Variants in GRIP1 observed in about 807,000 individuals in gnomAD.
The protein encoded by GRIP1 is glutamate receptor-interacting protein 1.
A neutral mutation model predicts 129.9 loss-of-function variants in GRIP1; 45 were observed. That is an observed-to-expected ratio of 0.35 (90% CI 0.27 to 0.44). The LOEUF (loss-of-function observed/expected upper bound fraction) is 0.44, where lower values mean the gene tolerates loss of function less well. Among genes scored for constraint, GRIP1 ranks in the 20% least tolerant of loss-of-function variants. The probability of loss-of-function intolerance (pLI) is 1.00; values close to 1 mark genes in which losing one functional copy is unlikely to be tolerated. For missense variants in GRIP1, 1,196 were observed against 1,396.8 expected, an observed-to-expected ratio of 0.86 and a Z score of 2.29; for synonymous variants, 530 against 520.8, an observed-to-expected ratio of 1.02 and a Z score of -0.24.
intron 1 of GRIP1, among the ~76,000 whole-genome samples, chr12:66,918,407 A>G (rs2041161794): frequency 6.6e-6 from 1 of 152,174 alleles, no homozygotes; most frequent in South Asian, 2.1e-4. Flanking sequence ...AGCCAATTCA[A>G]ATGTTAACTT....
At chr12:66,848,716 T>A (rs964559699) in intron 1 of GRIP1, among the ~76,000 whole-genome samples, 9 of 152,166 alleles carry the variant, frequency 5.9e-5, no homozygotes, top group African/African-American at 1.7e-4. Flanking sequence ...TTAAAATTCA[T>A]TTCAAAGGCA....
chr12:66,479,693 A>G (rs930636021), intron 7 of GRIP1, among the ~76,000 whole-genome samples: 2 of 152,126 alleles, frequency 1.3e-5, no homozygotes, highest in African/African-American at 4.8e-5. Flanking sequence ...CAAACTTAAT[A>G]CAGCAGCACA....
At chr12:66,603,046 G>T (rs1331420662) in intron 1 of GRIP1, among the ~76,000 whole-genome samples, 1 of 150,876 alleles carries the variant, frequency 6.6e-6, no homozygotes, top group Non-Finnish European at 1.5e-5. Context: ...TTTTTATAGA[G>T]GCTAGGTCTC....
At chr12:66,400,615 G>GT (rs1055895694) in intron 16 of GRIP1, among the ~76,000 whole-genome samples, 32 of 151,842 alleles carry the variant, frequency 2.1e-4, no homozygotes, top group Non-Finnish European at 1.9e-4. Flanking sequence ...CCTGAAAATG[G>GT]TTTTTTTTAA....
intron 1 of GRIP1, among the ~76,000 whole-genome samples, chr12:66,971,856 T>C (rs1009831151): frequency 6.6e-6 from 1 of 152,142 alleles, no homozygotes; most frequent in Non-Finnish European, 1.5e-5. Flanking sequence ...GGCAAAGCAA[T>C]AGCAAAGACG....
intron 1 of GRIP1, among the ~76,000 whole-genome samples, chr12:66,940,855 G>A (rs1281094104): frequency 1.3e-5 from 2 of 151,946 alleles, no homozygotes; most frequent in African/African-American, 2.4e-5. Context: ...AACACCACAG[G>A]GTGTGTTTTC....
intron 1 of GRIP1, among the ~76,000 whole-genome samples, chr12:66,788,485 G>A (rs1331912285): frequency 1.3e-5 from 2 of 151,644 alleles, no homozygotes; most frequent in Admixed American, 1.3e-4. Flanking sequence ...AGTATAGACT[G>A]GACCTAATGA....
At chr12:66,533,324 C>T (rs541834543) in intron 4 of GRIP1, among the ~76,000 whole-genome samples, 1 of 152,026 alleles carries the variant, frequency 6.6e-6, no homozygotes, top group Non-Finnish European at 1.5e-5. Context: ...GTGTAAGCCA[C>T]CACAGCTGGC....
At chr12:66,374,907 T>C (rs2055712583) in intron 22 of GRIP1, among the ~76,000 whole-genome samples, 1 of 152,124 alleles carries the variant, frequency 6.6e-6, no homozygotes, top group African/African-American at 2.4e-5. Context: ...AAAACTAAAA[T>C]AAAAAGCTAA....
chr12:66,595,013 T>C (rs538447538), intron 2 of GRIP1, among the ~76,000 whole-genome samples: 6 of 152,354 alleles, frequency 3.9e-5, no homozygotes, highest in African/African-American at 1.2e-4. Flanking sequence ...TGTTAACTAC[T>C]TTGGTTTCTT....
intron 1 of GRIP1, among the ~76,000 whole-genome samples, chr12:66,599,299 T>C (rs2064179556): frequency 6.6e-6 from 1 of 152,136 alleles, no homozygotes. Flanking sequence ...GTGTTATTGC[T>C]TTCACCCTCA....
intron 7 of GRIP1, among the ~76,000 whole-genome samples, chr12:66,479,145 A>C (rs2059721947): frequency 6.6e-6 from 1 of 151,848 alleles, no homozygotes; most frequent in African/African-American, 2.4e-5. Context: ...TTTTTTGTAA[A>C]GATTAACAAA....
At chr12:66,597,713 C>T (rs2064110869) in intron 1 of GRIP1, among the ~76,000 whole-genome samples, 1 of 151,700 alleles carries the variant, frequency 6.6e-6, no homozygotes, top group Admixed American at 6.6e-5. Context: ...CAGCAGGTGA[C>T]AAGATCATGG....
chr12:67,047,338 A>G (rs1322197023), intron 1 of GRIP1, among the ~76,000 whole-genome samples: 1 of 152,182 alleles, frequency 6.6e-6, no homozygotes, highest in Non-Finnish European at 1.5e-5. Context: ...AGCAAAAAAT[A>G]ATGTTTTTTT....
At chr12:66,817,244 A>G (rs1480300188) in intron 1 of GRIP1, among the ~76,000 whole-genome samples, 3 of 136,018 alleles carry the variant, frequency 2.2e-5, no homozygotes, top group Non-Finnish European at 5.1e-5. Context: ...ACACACACAC[A>G]TATATATTTC....
At chr12:66,858,234 G>A (rs2040041012) in intron 1 of GRIP1, among the ~76,000 whole-genome samples, 1 of 151,788 alleles carries the variant, frequency 6.6e-6, no homozygotes, top group Admixed American at 6.6e-5. Context: ...TTTTCCAAAT[G>A]GTCTGTATGC....
chr12:66,855,558 T>C (rs908878434), intron 1 of GRIP1, among the ~76,000 whole-genome samples: 5 of 151,998 alleles, frequency 3.3e-5, no homozygotes, highest in African/African-American at 1.2e-4. Flanking sequence ...TAATTTAGAG[T>C]GTATTTTCAA....
Position 66,678,977 on chromosome 12 carries a change from A to G in GRIP1, c.-73T>C. 6.2e-7 allele frequency: 1 copy of G among 1,610,300 alleles called. No individual in the cohort carries two copies. The highest frequency in any genetic ancestry group is 2.2e-5 in the East Asian group (1 of 44,512). ...CTGGTGGCTGCAGCAGCAGCAGCAT[A>G]TGAATTCCTTGCGCACATACCAGGA... On this transcript the variant is annotated 5_prime_UTR_variant, in exon 1 of 25. Coordinates refer to ENST00000359742, the MANE Select transcript of GRIP1 (RefSeq NM_001366722.1).
intron 1 of GRIP1, among the ~76,000 whole-genome samples, chr12:66,753,738 T>C (rs890618263): frequency 1.6e-4 from 24 of 152,190 alleles, no homozygotes; most frequent in African/African-American, 5.5e-4. Flanking sequence ...GTGAGATCCT[T>C]GAAAGCAGAT....
Sources: allele counts gnomAD v4.1 joint callset (sites outside exome capture counted in the v4.1 genomes callset), GRCh38; gene constraint gnomAD v4.1.1; transcripts MANE v1.5; gene names NCBI Gene and HGNC (gene_info 2026-07-23, HGNC 2026-07-21).